Variants in DOCK2 observed in about 807,000 individuals in gnomAD.
DOCK2 encodes dedicator of cytokinesis 2.
DOCK2 carries 87 observed loss-of-function variants against 248.9 expected under a neutral mutation model. The ratio of observed to expected loss-of-function variants is 0.35; its 90% CI spans 0.29 to 0.42. DOCK2 has a LOEUF of 0.42. Ranked by LOEUF, DOCK2 falls within the 10% of genes least tolerant of loss-of-function variation. The probability of loss-of-function intolerance (pLI) is 1.00; values close to 1 mark genes in which losing one functional copy is unlikely to be tolerated. For missense variants in DOCK2, 1,747 were observed against 2,300.2 expected, an observed-to-expected ratio of 0.76 and a Z score of 4.92; for synonymous variants, 805 against 821.6, an observed-to-expected ratio of 0.98 and a Z score of 0.35.
chr5:169,768,645 T>G (rs1232405212), intron 25 of DOCK2, among the ~76,000 whole-genome samples: 1 of 152,198 alleles, frequency 6.6e-6, no homozygotes, highest in African/African-American at 2.4e-5. Context: ...ACAGCTTCCC[T>G]GCAGCAAGCC....
At chr5:169,724,487 A>G (rs547696323) in intron 22 of DOCK2, among the ~76,000 whole-genome samples, 1 of 152,116 alleles carries the variant, frequency 6.6e-6, no homozygotes, top group South Asian at 2.1e-4. Flanking sequence ...CTGTGTCCTG[A>G]TGGGAGCTTC....
chr5:170,027,130 A>G (rs12653623), intron 33 of DOCK2, among the ~76,000 whole-genome samples: 63,724 of 151,442 alleles, frequency 0.42, 14,176 homozygotes, highest in East Asian at 0.58. Flanking sequence ...TGAGGCTCAC[A>G]ACCTTCCATC....
chr5:170,065,076 G>A (rs1319202284), intron 44 of DOCK2, among the ~76,000 whole-genome samples: 2 of 152,114 alleles, frequency 1.3e-5, no homozygotes, highest in Non-Finnish European at 2.9e-5. Context: ...GTTAAAGATA[G>A]AAATTATTTT....
chr5:169,770,383 G>A (rs1259307973), intron 25 of DOCK2, among the ~76,000 whole-genome samples: 1 of 148,876 alleles, frequency 6.7e-6, no homozygotes, highest in African/African-American at 2.5e-5. Context: ...GTAACCCTGA[G>A]CTCCTGGACT....
chr5:169,967,677 G>A (rs1777352176), intron 27 of DOCK2, among the ~76,000 whole-genome samples: 1 of 152,162 alleles, frequency 6.6e-6, no homozygotes, highest in Non-Finnish European at 1.5e-5. Context: ...GACTGCAACA[G>A]GGAGAATTGA....
At chr5:169,783,152 TA>T (rs1765801551) in intron 25 of DOCK2, among the ~76,000 whole-genome samples, 1 of 152,218 alleles carries the variant, frequency 6.6e-6, no homozygotes, top group South Asian at 2.1e-4. Flanking sequence ...GTCATTCTTG[TA>T]GTTTAAAACC....
intron 25 of DOCK2, among the ~76,000 whole-genome samples, chr5:169,796,439 C>G (rs1327559788): frequency 6.6e-6 from 1 of 152,128 alleles, no homozygotes; most frequent in Non-Finnish European, 1.5e-5. Context: ...TGCTGACCTT[C>G]TATTATTTCT....
intron 27 of DOCK2, among the ~76,000 whole-genome samples, chr5:169,865,279 T>C (rs2113426304): frequency 6.6e-6 from 1 of 152,102 alleles, no homozygotes; most frequent in African/African-American, 2.4e-5. Flanking sequence ...ATTGAGGAGG[T>C]AAAAGTGAAC....
At chr5:169,881,691 G>A (rs1772665360) in intron 27 of DOCK2, among the ~76,000 whole-genome samples, 1 of 152,164 alleles carries the variant, frequency 6.6e-6, no homozygotes, top group Non-Finnish European at 1.5e-5. Flanking sequence ...GTTGTGAGAT[G>A]AGGGATTCTG....
At chr5:169,946,842 C>A (rs773972123) in intron 27 of DOCK2, among the ~76,000 whole-genome samples, 1 of 152,286 alleles carries the variant, frequency 6.6e-6, no homozygotes, top group South Asian at 2.1e-4. Context: ...ATGGAAAGGG[C>A]CTTTAGGCTG....
At chr5:169,803,909 G>A (rs758714273) in intron 26 of DOCK2, among the ~76,000 whole-genome samples, 13 of 152,152 alleles carry the variant, frequency 8.5e-5, no homozygotes, top group Non-Finnish European at 1.5e-4. Flanking sequence ...ATTGGAAGAT[G>A]GAAGGAGGGT....
At chr5:169,924,028 C>T (rs1388518858) in intron 27 of DOCK2, among the ~76,000 whole-genome samples, 1 of 152,134 alleles carries the variant, frequency 6.6e-6, no homozygotes, top group East Asian at 1.9e-4. Context: ...TTGCAAAGGG[C>T]CTGGTAATTG....
At chr5:169,799,125 C>T (rs1348326454) in intron 25 of DOCK2, among the ~76,000 whole-genome samples, 1 of 152,158 alleles carries the variant, frequency 6.6e-6, no homozygotes, top group Admixed American at 6.5e-5. Context: ...TTGTCATCAC[C>T]ATGGCATCTT....
chr5:170,028,367 A>G (rs1755998958), intron 34 of DOCK2: 1 of 155,106 alleles, frequency 6.4e-6, no homozygotes, highest in Admixed American at 6.5e-5. Flanking sequence ...AATCACACTT[A>G]CTCCCTTTGA....
intron 22 of DOCK2, among the ~76,000 whole-genome samples, chr5:169,739,011 A>G (rs1229005140): frequency 5.9e-5 from 9 of 152,332 alleles, no homozygotes; most frequent in African/African-American, 2.2e-4. Flanking sequence ...CCAAATTTCA[A>G]AACAAAGAGT....
intron 26 of DOCK2, among the ~76,000 whole-genome samples, chr5:169,804,491 CGCGCGT>C (rs1383510027): frequency 4.2e-5 from 3 of 71,780 alleles, no homozygotes; most frequent in African/African-American, 9.6e-5. Flanking sequence ...TGTGTGCGCG[CGCGCGT>C]GCGCGTAAGC....
At chr5:170,077,911 C>T (rs1419025805) in intron 48 of DOCK2, 74 bp downstream of exon 48, 7 of 1,248,322 alleles carry the variant, frequency 5.6e-6, no homozygotes, top group South Asian at 1.3e-5. Flanking sequence ...TCTCTCTCTT[C>T]TCCGGCAACA....
intron 22 of DOCK2, among the ~76,000 whole-genome samples, chr5:169,727,180 C>T (rs189424694): frequency 9.8e-5 from 15 of 152,322 alleles, no homozygotes; most frequent in African/African-American, 3.6e-4. Context: ...CCAATGACTC[C>T]TGCTTCTCTT....
intron 32 of DOCK2, among the ~76,000 whole-genome samples, chr5:170,010,817 G>T (rs987827525): frequency 6.6e-6 from 1 of 152,204 alleles, no homozygotes; most frequent in Non-Finnish European, 1.5e-5. Context: ...GGCACTGCCA[G>T]AATTGCAAAA....
Sources: allele counts gnomAD v4.1 joint callset (sites outside exome capture counted in the v4.1 genomes callset), GRCh38; gene constraint gnomAD v4.1.1; transcripts MANE v1.5; gene names NCBI Gene and HGNC (gene_info 2026-07-23, HGNC 2026-07-21).